Variants in CYFIP2 observed in about 807,000 individuals in gnomAD.
CYFIP2 encodes the protein cytoplasmic FMR1 interacting protein 2.
In CYFIP2, 29 loss-of-function variants were observed where a neutral mutation model predicts 158.7. The observed-to-expected ratio is 0.18, with a 90% CI of 0.14 to 0.25. The LOEUF is 0.25. CYFIP2 is among the 10% of genes least tolerant of loss of function. CYFIP2 has a pLI of 1.00. For synonymous variants in CYFIP2, 585 were observed against 617.6 expected (o/e 0.95, Z 0.78); for missense variants, 852 against 1,639.5 (o/e 0.52, Z 8.29).
At chr5:157,365,353 A>G (rs1247092519) in intron 26 of CYFIP2, 1 of 152,196 alleles carries the variant, frequency 6.6e-6, no homozygotes, top group Non-Finnish European at 1.5e-5. Flanking sequence ...TTTTTAAAAA[A>G]CAGATTAATA....
At chr5:157,344,608 C>A (rs148086167) in intron 23 of CYFIP2, among the ~76,000 whole-genome samples, 1 of 152,302 alleles carries the variant, frequency 6.6e-6, no homozygotes, top group East Asian at 1.9e-4. Flanking sequence ...ATTTTAGTTT[C>A]TCTCATGCAG....
intron 17 of CYFIP2, 160 bp from the exon 18 acceptor site, chr5:157,326,011 A>G (rs1341738189): frequency 1.6e-6 from 1 of 623,248 alleles, no homozygotes; most frequent in Non-Finnish European, 2.8e-6. Context: ...ACTGTAAAGT[A>G]AGTTGCTTCT....
In CYFIP2 at chr5:157,294,776, A is replaced by G. The variant is rs777482353; in HGVS notation, c.208-7A>G. ...TCCTCCCTGCTGAGGCTGTTTTACCATTTCAGAATGAGATGCTGGAGGAAG... is the reference window on the plus strand; with the variant it reads ...TCCTCCCTGCTGAGGCTGTTTTACCGTTTCAGAATGAGATGCTGGAGGAAG... On this transcript the variant is annotated splice_polypyrimidine_tract_variant and splice_region_variant and intron_variant, in intron 3 of 30. Coordinates refer to ENST00000620254, the MANE Select transcript of CYFIP2 (RefSeq NM_001037333.3). 11 of 1,613,220 alleles carry G rather than the reference A, an allele frequency of 6.8e-6. No individual in the cohort carries two copies. Among genetic ancestry groups the G allele is most frequent in the South Asian group, 3.3e-5 (3 of 91,014 alleles).
At chr5:157,323,103 C>A in intron 15 of CYFIP2, 1 of 1,235,638 alleles carries the variant, frequency 8.1e-7, no homozygotes, top group Non-Finnish European at 1.1e-6. Flanking sequence ...AAGGCCCCTT[C>A]CAGCCCTAAG....
chr5:157,286,979 T>G, intron 2 of CYFIP2, 40 bp from the exon 3 acceptor site: 1 of 1,576,562 alleles, frequency 6.3e-7, no homozygotes, highest in Non-Finnish European at 8.7e-7. Context: ...TTGGAACTGT[T>G]TTCTAACAAC....
intron 11 of CYFIP2, 51 bp from the exon 12 acceptor site, chr5:157,314,293 A>T: frequency 6.3e-7 from 1 of 1,592,130 alleles, no homozygotes; most frequent in Non-Finnish European, 8.6e-7. Flanking sequence ...GAGATAACAT[A>T]TAAAAGTGTC....
intron 9 of CYFIP2, among the ~76,000 whole-genome samples, 185 bp from the exon 10 acceptor site, chr5:157,309,558 G>A (rs1759531352): frequency 6.6e-6 from 1 of 152,144 alleles, no homozygotes; most frequent in African/African-American, 2.4e-5. Context: ...AGGCAGGGGA[G>A]GACCTATACG....
chr5:157,330,228 G>A (rs927548434), intron 19 of CYFIP2, among the ~76,000 whole-genome samples: 1 of 148,666 alleles, frequency 6.7e-6, no homozygotes, highest in African/African-American at 2.5e-5. Flanking sequence ...TAGGGTTGTG[G>A]TGAGATTTAA....
chr5:157,322,762 A>G (rs916526352), intron 15 of CYFIP2, among the ~76,000 whole-genome samples: 1 of 152,230 alleles, frequency 6.6e-6, no homozygotes, highest in Non-Finnish European at 1.5e-5. Context: ...GGCAGCGAAG[A>G]CGAACGCGGT....
chr5:157,331,197 G>T (rs964075802), intron 20 of CYFIP2, among the ~76,000 whole-genome samples: 2 of 151,892 alleles, frequency 1.3e-5, no homozygotes, highest in Non-Finnish European at 2.9e-5. Flanking sequence ...CCCAAGTGCC[G>T]GTCTAAGTGA....
intron 15 of CYFIP2, among the ~76,000 whole-genome samples, chr5:157,321,689 TG>T (rs1265653093): frequency 6.6e-6 from 1 of 152,164 alleles, no homozygotes; most frequent in Non-Finnish European, 1.5e-5. Context: ...ATGGACCATC[TG>T]AGGCCCACCC....
chr5:157,309,860 G>T (rs553702057), intron 10 of CYFIP2, 26 bp downstream of exon 10: 2 of 1,563,722 alleles, frequency 1.3e-6, no homozygotes, highest in Non-Finnish European at 1.7e-6. Flanking sequence ...AATGTCTCTC[G>T]GCTCCCGCAA....
intron 2 of CYFIP2, among the ~76,000 whole-genome samples, chr5:157,285,771 G>A (rs1757328048): frequency 6.6e-6 from 1 of 152,184 alleles, no homozygotes; most frequent in African/African-American, 2.4e-5. Flanking sequence ...GGCAGCTCTG[G>A]CCTCATGAAT....
intron 15 of CYFIP2, chr5:157,323,040 G>T (rs1561726601): frequency 6.5e-7 from 1 of 1,535,858 alleles, no homozygotes; most frequent in Non-Finnish European, 8.7e-7. Context: ...TGGCTGGGTT[G>T]GTTTGGGTAC....
intron 7 of CYFIP2, chr5:157,303,133 A>T (rs1314505556): frequency 1.2e-5 from 5 of 432,572 alleles, no homozygotes; most frequent in Non-Finnish European, 2.1e-5. Flanking sequence ...CTGACCCTGC[A>T]TCAGGGTTGA....
rs191511439 is a variant in CYFIP2, at chr5:157,349,934, A to G, written c.2673+8777A>G. Among the ~76,000 whole-genome samples the G allele has an allele frequency of 2.9e-3, 437 of 152,120 alleles. 4 individuals are homozygous for G. The highest frequency in any genetic ancestry group is 0.01 in the African/African-American group (426 of 41,496). ...ATCTTCTTTTGAGAATTGTCTGTTC[A>G]TGTCCTTAGCCCACTTTTTGATGGG... On this transcript the variant is annotated intron_variant, in intron 23 of 30. Transcript: ENST00000620254.
rs778379924 is a variant in CYFIP2, at chr5:157,389,258, G to C, written c.3277G>C (p.Glu1093Gln). The change falls in exon 29 of 31, where the codon GAG becomes CAG. Residue 1093 changes from glutamate (E) to glutamine (Q), a missense_variant. Transcript: ENST00000620254. ...ERLCCGLSMFEVILTRIRSYL... is the reference protein window; with the variant it reads ...ERLCCGLSMFQVILTRIRSYL... ...GCTGTGCTGTGGCCTGTCCATGTTC[G>C]AGGTCATCCTGACCCGCATTCGGAG... 1 of 1,614,006 alleles carries C rather than the reference G, an allele frequency of 6.2e-7. No homozygotes were observed. The highest frequency in any genetic ancestry group is 8.5e-7 in the Non-Finnish European group (1 of 1,179,890).
intron 1 of CYFIP2, among the ~76,000 whole-genome samples, chr5:157,274,185 A>G (rs1449400822): frequency 1.3e-5 from 2 of 151,754 alleles, no homozygotes; most frequent in East Asian, 1.9e-4. Context: ...ACAGAGTTGT[A>G]CAACCCATAA....
At chr5:157,356,966 C>A (rs567952001) in intron 23 of CYFIP2, among the ~76,000 whole-genome samples, 1 of 152,326 alleles carries the variant, frequency 6.6e-6, no homozygotes, top group Non-Finnish European at 1.5e-5. Flanking sequence ...AAGTCAGTTC[C>A]ATTTTATCCC....
Sources: allele counts gnomAD v4.1 joint callset (sites outside exome capture counted in the v4.1 genomes callset), GRCh38; gene constraint gnomAD v4.1.1; transcripts MANE v1.5; gene names NCBI Gene and HGNC (gene_info 2026-07-23, HGNC 2026-07-21).